TGFBR3: variants seen among roughly 807,000 people sequenced by gnomAD.
The protein encoded by TGFBR3 is transforming growth factor beta receptor type 3.
A neutral mutation model predicts 87.9 loss-of-function variants in TGFBR3; 46 were observed. That is an observed-to-expected ratio of 0.52 (90% CI 0.41 to 0.67). TGFBR3 has a LOEUF of 0.67. Ranked by LOEUF, TGFBR3 falls within the 30% of genes least tolerant of loss-of-function variation. The pLI, the probability that TGFBR3 is intolerant of heterozygous loss-of-function variation, is 0.00. For missense variants in TGFBR3, 866 were observed against 1,041.9 expected (o/e 0.83, Z 2.32); for synonymous variants, 381 against 391.6 (o/e 0.97, Z 0.32).
chr1:91,728,989 T>C (rs1672647329), intron 6 of TGFBR3, among the ~76,000 whole-genome samples: 2 of 151,596 alleles, frequency 1.3e-5, no homozygotes. Flanking sequence ...GCAAGTTCTA[T>C]CGAATGGCTT....
chr1:91,848,236 A>G (rs1191537824), intron 2 of TGFBR3, among the ~76,000 whole-genome samples: 1 of 152,234 alleles, frequency 6.6e-6, no homozygotes, highest in African/African-American at 2.4e-5. Flanking sequence ...TTGTGCATTG[A>G]GAAAACAGAT....
In TGFBR3 at chr1:91,758,773, C is replaced by A. The variant is rs200097382; in HGVS notation, c.247-23G>T. On this transcript the variant is annotated intron_variant, in intron 3 of 16. Coordinates refer to ENST00000212355, the MANE Select transcript of TGFBR3 (RefSeq NM_003243.5). The stretch of plus-strand genomic sequence containing the variant: ...GACCTAGGAAGCAACAGAAAGAGGG[C>A]AGAAATCTTAGCCCTGGCTTTCCAT... 1.2e-4 allele frequency: 192 copies of A among 1,613,636 alleles called. No homozygotes were observed. The Middle Eastern group carries it at 2.0e-3, about 17-fold the overall frequency.
At chr1:91,901,969 C>A (rs1017727965) in intron 1 of TGFBR3, among the ~76,000 whole-genome samples, 13 of 147,232 alleles carry the variant, frequency 8.8e-5, no homozygotes, top group Non-Finnish European at 1.6e-4. Context: ...TATGTGTTCA[C>A]TGATACTCAA....
chr1:91,736,241 G>A (rs1672964239), intron 4 of TGFBR3, among the ~76,000 whole-genome samples: 1 of 151,850 alleles, frequency 6.6e-6, no homozygotes, highest in Non-Finnish European at 1.5e-5. Context: ...AGATGGTACA[G>A]AGCTACATGT....
intron 3 of TGFBR3, among the ~76,000 whole-genome samples, chr1:91,785,748 C>A (rs140055964): frequency 6.6e-6 from 1 of 152,026 alleles, no homozygotes; most frequent in East Asian, 1.9e-4. Flanking sequence ...AATGAACACA[C>A]CCTTTGTTGG....
chr1:91,787,953 A>AG lies in TGFBR3; in HGVS notation c.246+9333_246+9334insC, dbSNP rs1226938369. 7.1e-3 allele frequency among the ~76,000 whole-genome samples: 1,081 copies of AG among 151,862 alleles called. 15 individuals carry two copies. Among genetic ancestry groups the AG allele is most frequent in the African/African-American group, 0.024 (1,008 of 41,264 alleles). On this transcript the variant is annotated intron_variant, in intron 3 of 16. Coordinates refer to ENST00000212355, the MANE Select transcript of TGFBR3 (RefSeq NM_003243.5). ...ACCCTGTCTCACGGGGAAAAAAAAA[A>AG]AAACCCCAAGAAGAAAGAGTGAGCA...
intron 3 of TGFBR3, among the ~76,000 whole-genome samples, chr1:91,773,123 AATC>A (rs1324314121): frequency 7.2e-5 from 11 of 152,204 alleles, no homozygotes; most frequent in Non-Finnish European, 1.5e-5. Flanking sequence ...TCAGGCCTGT[AATC>A]CCAGCACTCT....
In TGFBR3 at chr1:91,710,607, GA is replaced by G. The variant is rs1457765705; in HGVS notation, c.2166+1635del. Among the ~76,000 whole-genome samples, 6 of 152,270 alleles carry G rather than the reference GA, an allele frequency of 3.9e-5. No individual in the cohort carries two copies. In the East Asian group the frequency reaches 1.2e-3, roughly 29 times the overall value. ...AGCACTCAGAAAATAATAGAAATGT[GA>G]AAATATTACCTATAAGCAGCAAACA... On this transcript the variant is annotated intron_variant, in intron 13 of 16. Transcript: ENST00000212355.
At chr1:91,904,809 G>A (rs1167714967) in intron 1 of TGFBR3, among the ~76,000 whole-genome samples, 1 of 151,796 alleles carries the variant, frequency 6.6e-6, no homozygotes, top group Non-Finnish European at 1.5e-5. Context: ...CAGGTGATCC[G>A]CCCACCTCGG....
intron 4 of TGFBR3, among the ~76,000 whole-genome samples, chr1:91,756,946 C>T (rs1181492828): frequency 6.6e-5 from 10 of 152,078 alleles, no homozygotes; most frequent in Non-Finnish European, 1.5e-5. Flanking sequence ...TATTCTCTTA[C>T]ATAAAAACAA....
chr1:91,690,909 C>CT lies in TGFBR3; in HGVS notation c.2437+4762dup, dbSNP rs894659301. On this transcript the variant is annotated intron_variant, in intron 16 of 16. Coordinates refer to ENST00000212355, the MANE Select transcript of TGFBR3 (RefSeq NM_003243.5). ...ACCCACAGCTTAGAATTTCCTCATT[C>CT]TTTTTTTTTCCTCATTCTTAAATAA... Among the ~76,000 whole-genome samples the CT allele has an allele frequency of 5.9e-5, 9 of 151,468 alleles. No homozygotes were observed. The East Asian group carries it at 9.7e-4, about 16-fold the overall frequency.
Position 91,698,090 on chromosome 1 carries a change from T to C in TGFBR3, c.2328A>G (p.Pro776=). 1 of 1,613,834 alleles carries C rather than the reference T, an allele frequency of 6.2e-7. No individual in the cohort carries two copies. The highest frequency in any genetic ancestry group is 2.2e-5 in the East Asian group (1 of 44,872). ...CGAAATAGTTGCATAAAGACTTACGTGGAGAAATTGGATTTGGTTCCTTCA... is the reference window on the plus strand; with the variant it reads ...CGAAATAGTTGCATAAAGACTTACGCGGAGAAATTGGATTTGGTTCCTTCA... ...PSMKEPNPIS[P]PIFHGLDTLT... Residue 776 remains proline, a splice_region_variant and synonymous_variant, in exon 15 of 17, where the codon CCA becomes CCG. Coordinates refer to ENST00000212355, the MANE Select transcript of TGFBR3 (RefSeq NM_003243.5).
chr1:91,860,332 C>G (rs1230561750), intron 2 of TGFBR3, among the ~76,000 whole-genome samples: 1 of 152,184 alleles, frequency 6.6e-6, no homozygotes, highest in Non-Finnish European at 1.5e-5. Context: ...TACTATCACT[C>G]TCATCTGTAT....
intron 1 of TGFBR3, among the ~76,000 whole-genome samples, chr1:91,874,844 A>G (rs1212452594): frequency 6.6e-6 from 1 of 152,144 alleles, no homozygotes; most frequent in Non-Finnish European, 1.5e-5. Context: ...TTTTATCACA[A>G]TCATTCTGGC....
At chr1:91,766,419 T>A (rs1674189448) in intron 3 of TGFBR3, 1 of 152,168 alleles carries the variant, frequency 6.6e-6, no homozygotes, top group South Asian at 2.1e-4. Flanking sequence ...CATGTATATG[T>A]CTTTACCAAC....
chr1:91,689,545 A>T (rs776502693), intron 16 of TGFBR3, among the ~76,000 whole-genome samples: 1 of 152,242 alleles, frequency 6.6e-6, no homozygotes, highest in Non-Finnish European at 1.5e-5. Flanking sequence ...AATTTAGCTG[A>T]CACTAAACAG....
At position 91,758,699 on chromosome 1, in the gene TGFBR3, C is replaced by G. The variant is rs1033039846; in HGVS notation, c.298G>C (p.Val100Leu). 6 of 1,613,978 alleles carry G rather than the reference C, an allele frequency of 3.7e-6. No individual in the cohort carries two copies. Among genetic ancestry groups the G allele is most frequent in the Non-Finnish European group, 5.1e-6 (6 of 1,179,930 alleles). ...TGTGGGGAGTTGAGCAGGAACACAACAGACTTGTGGTGGATGTGGACTGAG... is the reference window on the plus strand; with the variant it reads ...TGTGGGGAGTTGAGCAGGAACACAAGAGACTTGTGGTGGATGTGGACTGAG... Reference protein sequence around the residue: ...ISSVHIHHKSVVFLLNSPHPL... With the variant: ...ISSVHIHHKSLVFLLNSPHPL... The change falls in exon 4 of 17, where the codon GTT (valine) becomes CTT (leucine). Residue 100 changes from valine (V) to leucine (L), a missense_variant. Val to Leu is a conservative substitution (Grantham distance 32, BLOSUM62 1). Coordinates refer to ENST00000212355, the MANE Select transcript of TGFBR3 (RefSeq NM_003243.5).
In TGFBR3 at chr1:91,712,377, T is replaced by C. The variant is rs1159294617; in HGVS notation, c.2032A>G (p.Ile678Val). The part of the protein sequence containing the change: ...FYSPKRVHFP[I>V]PQADMDKKRF... ...TTCTTATCCATGTCAGCTTGCGGGA[T>C]AGGAAAGTGCACTCTCTTGGGACTG... is the stretch of plus-strand genomic sequence containing the variant. The change falls in exon 13 of 17, where the codon ATC becomes GTC. Residue 678 changes from isoleucine to valine, a missense_variant. Transcript: ENST00000212355. 2.5e-6 allele frequency: 4 copies of C among 1,614,224 alleles called. No homozygotes were observed. The highest frequency in any genetic ancestry group is 3.4e-6 in the Non-Finnish European group (4 of 1,180,042).
intron 1 of TGFBR3, among the ~76,000 whole-genome samples, chr1:91,884,634 G>C (rs145759698): frequency 8.2e-4 from 125 of 152,280 alleles, no homozygotes; most frequent in African/African-American, 2.8e-3. Context: ...GTATGATCTT[G>C]GACAAGTAAC....
Sources: gnomAD v4.1 joint callset for allele counts (sites outside exome capture counted in the v4.1 genomes callset) on GRCh38, gnomAD v4.1.1 for gene constraint, MANE v1.5 for transcripts, NCBI Gene and HGNC (gene_info 2026-07-23, HGNC 2026-07-21) for gene names.